MIA2: variants seen among roughly 807,000 people sequenced by gnomAD.
The protein encoded by MIA2 is MIA SH3 domain ER export factor 2.
MIA2 carries 127 observed loss-of-function variants against 167.8 expected under a neutral mutation model. The observed-to-expected ratio is 0.76, with a 90% CI of 0.66 to 0.88. The LOEUF (loss-of-function observed/expected upper bound fraction) is 0.88. Among genes scored for constraint, MIA2 ranks in the 40% least tolerant of loss-of-function variants. The probability of loss-of-function intolerance (pLI) is 0.00; values close to 1 mark genes in which losing one functional copy is unlikely to be tolerated. For synonymous variants in MIA2, 552 were observed against 541.9 expected, an observed-to-expected ratio of 1.02 and a Z score of -0.26; for missense variants, 1,690 against 1,624.7, an observed-to-expected ratio of 1.04 and a Z score of -0.69.
At position 39,279,160 on chromosome 14, in the gene MIA2, CA is replaced by C. The variant is rs71435634; in HGVS notation, c.2020-159del. Among the ~76,000 whole-genome samples the C allele has an allele frequency of 6.1e-3, 589 of 96,372 alleles. 4 individuals are homozygous for C. In the East Asian group the frequency reaches 0.077, roughly 13 times the overall value. The allele number at this position is 96,372 out of a possible 152,430, so 63.2% of individuals were successfully genotyped here. On this transcript the variant is annotated intron_variant, in intron 7 of 28. Transcript: ENST00000640607. ...TGGGAGACAGAGCAAGACTCTGTCT[CA>C]AAAAAAAAAAAAAAAAAGCATTTAT...
intron 25 of MIA2, among the ~76,000 whole-genome samples, chr14:39,333,476 T>C (rs2069434099): frequency 6.7e-6 from 1 of 148,374 alleles, no homozygotes. Context: ...TATTGGGCTC[T>C]ACCTTTGCGG....
At position 39,295,299 on chromosome 14, in the gene MIA2, A is replaced by T. The variant is rs563472286; in HGVS notation, c.2496+270A>T. Among the ~76,000 whole-genome samples the T allele has an allele frequency of 2.0e-5, 3 of 152,272 alleles. No individual in the cohort carries two copies. In the East Asian group the frequency reaches 5.8e-4, roughly 29 times the overall value. On this transcript the variant is annotated intron_variant, in intron 13 of 28. Transcript: ENST00000640607. ...TAACCAACTTCTTAAAGCCATGCCG[A>T]AGGGGTACAGAGAATATGAGTGAGG...
At chr14:39,299,462 C>G (rs1203700817) in intron 13 of MIA2, among the ~76,000 whole-genome samples, 1 of 151,926 alleles carries the variant, frequency 6.6e-6, no homozygotes, top group Non-Finnish European at 1.5e-5. Flanking sequence ...CGCGTGCCAC[C>G]ATGCCAAGCT....
intron 17 of MIA2, among the ~76,000 whole-genome samples, chr14:39,307,763 T>A (rs931851829): frequency 6.6e-6 from 1 of 152,116 alleles, no homozygotes; most frequent in Non-Finnish European, 1.5e-5. Flanking sequence ...GGAGCACTAT[T>A]CAGCCATCAA....
intron 6 of MIA2, among the ~76,000 whole-genome samples, chr14:39,272,490 G>T (rs1367365110): frequency 6.6e-6 from 1 of 152,240 alleles, no homozygotes; most frequent in Non-Finnish European, 1.5e-5. Flanking sequence ...TTGTGGCTTG[G>T]CTTTCAGGCT....
downstream of MIA2, chr14:39,351,131 A>G (rs981721173): frequency 3.3e-5 from 5 of 152,212 alleles, no homozygotes; most frequent in Non-Finnish European, 7.3e-5. Flanking sequence ...AGCTTCTTGC[A>G]CATTAATATG....
intron 23 of MIA2, among the ~76,000 whole-genome samples, chr14:39,363,335 G>T (rs968128937): frequency 2.3e-4 from 35 of 152,168 alleles, no homozygotes; most frequent in African/African-American, 7.2e-4. Flanking sequence ...TTCGAGACCA[G>T]CCTGGCCAAC....
chr14:39,250,548 T>C (rs1216523574), intron 4 of MIA2, among the ~76,000 whole-genome samples: 1 of 151,792 alleles, frequency 6.6e-6, no homozygotes, highest in East Asian at 1.9e-4. Flanking sequence ...ATAGAAAAAT[T>C]AGCTGGGCAT....
At chr14:39,385,706 A>G in intron 23 of MIA2, 1 of 987,310 alleles carries the variant, frequency 1.0e-6, no homozygotes, top group African/African-American at 1.6e-5. Context: ...AACAGTGGTA[A>G]CAGACTATAG....
At chr14:39,360,436 C>T (rs1418531394) in intron 23 of MIA2, among the ~76,000 whole-genome samples, 1 of 151,466 alleles carries the variant, frequency 6.6e-6, no homozygotes, top group Admixed American at 6.6e-5. Flanking sequence ...AATTCATGTC[C>T]TTTGCCCATG....
intron 23 of MIA2, among the ~76,000 whole-genome samples, chr14:39,362,058 C>T (rs2074693768): frequency 6.6e-6 from 1 of 152,134 alleles, no homozygotes; most frequent in South Asian, 2.1e-4. Context: ...TAGTTTATTA[C>T]TTTATGATAT....
At chr14:39,356,188 T>G (rs1448956451), downstream of MIA2, among the ~76,000 whole-genome samples, 1 of 137,360 alleles carries the variant, frequency 7.3e-6, no homozygotes, top group Non-Finnish European at 1.5e-5. Context: ...GGTCCTGGAC[T>G]TTTTTTGGTT....
At chr14:39,301,323 C>T (rs2062457432) in intron 14 of MIA2, among the ~76,000 whole-genome samples, 1 of 152,160 alleles carries the variant, frequency 6.6e-6, no homozygotes, top group Admixed American at 6.5e-5. Context: ...CCTTAGCCTC[C>T]CAAAGTTTTG....
chr14:39,282,395 TG>T (rs2059082981), intron 9 of MIA2, among the ~76,000 whole-genome samples: 1 of 152,192 alleles, frequency 6.6e-6, no homozygotes, highest in Non-Finnish European at 1.5e-5. Flanking sequence ...GTATAGTAAA[TG>T]GTTACTATAG....
At chr14:39,373,319 A>G (rs1473750608) in intron 23 of MIA2, among the ~76,000 whole-genome samples, 1 of 151,868 alleles carries the variant, frequency 6.6e-6, no homozygotes, top group Admixed American at 6.6e-5. Flanking sequence ...AAAAAAAAAA[A>G]AAAAGCATGC....
At chr14:39,382,732 ACT>A (rs1158479377) in intron 23 of MIA2, among the ~76,000 whole-genome samples, 2 of 152,134 alleles carry the variant, frequency 1.3e-5, no homozygotes, top group African/African-American at 2.4e-5. Flanking sequence ...TGCTTGTATG[ACT>A]CTGCTTTCAG....
At chr14:39,347,914 G>C in intron 27 of MIA2, 143 bp downstream of exon 27, 1 of 707,388 alleles carries the variant, frequency 1.4e-6, no homozygotes, top group Non-Finnish European at 2.2e-6. Context: ...CTGGGTTCAA[G>C]CAATTCTCCT....
chr14:39,300,019 T>C, intron 14 of MIA2, 33 bp downstream of exon 14: 1 of 1,573,054 alleles, frequency 6.4e-7, no homozygotes, highest in Non-Finnish European at 8.6e-7. Flanking sequence ...GTGATCAAGT[T>C]GGCTAGAATT....
intron 10 of MIA2, 49 bp from the exon 11 acceptor site, chr14:39,293,222 T>C: frequency 4.1e-6 from 5 of 1,225,958 alleles, no homozygotes; most frequent in Non-Finnish European, 5.9e-6. Context: ...CTGATTTCCC[T>C]AATGAAAAAT....
Sources: gnomAD v4.1 joint callset for allele counts (sites outside exome capture counted in the v4.1 genomes callset) on GRCh38, gnomAD v4.1.1 for gene constraint, MANE v1.5 for transcripts, NCBI Gene and HGNC (gene_info 2026-07-23, HGNC 2026-07-21) for gene names.